The following PPP3CA variants were observed in gnomAD, a reference collection of about 807,000 sequenced individuals.
PPP3CA encodes the protein CAM-PRP catalytic subunit.
PPP3CA carries 14 observed loss-of-function variants against 66.5 expected under a neutral mutation model. The ratio of observed to expected loss-of-function variants is 0.21; its 90% CI spans 0.14 to 0.33. The LOEUF is 0.33. Among genes scored for constraint, PPP3CA ranks in the 10% least tolerant of loss-of-function variants. The pLI, the probability that PPP3CA is intolerant of heterozygous loss-of-function variation, is 1.00. For missense variants in PPP3CA, 317 were observed against 639.5 expected (o/e 0.50, Z 5.44); for synonymous variants, 232 against 226.2 (o/e 1.03, Z -0.23).
intron 1 of PPP3CA, among the ~76,000 whole-genome samples, chr4:101,243,219 A>G (rs1391709874): frequency 6.6e-6 from 1 of 152,194 alleles, no homozygotes; most frequent in Non-Finnish European, 1.5e-5. Flanking sequence ...TGTTTTAGGC[A>G]GCTCCCTGAC....
intron 1 of PPP3CA, among the ~76,000 whole-genome samples, chr4:101,249,083 C>T (rs1726586461): frequency 6.6e-6 from 1 of 151,792 alleles, no homozygotes; most frequent in Admixed American, 6.6e-5. Context: ...TGGCGTGAAC[C>T]CGGGAAGCGG....
At chr4:101,101,588 G>T (rs932841596) in intron 3 of PPP3CA, among the ~76,000 whole-genome samples, 1 of 151,990 alleles carries the variant, frequency 6.6e-6, no homozygotes, top group African/African-American at 2.4e-5. Flanking sequence ...TTATATGCTG[G>T]GGGAGAGAAT....
chr4:101,277,289 T>A (rs1334796141), intron 1 of PPP3CA, among the ~76,000 whole-genome samples: 2 of 152,226 alleles, frequency 1.3e-5, no homozygotes, highest in Non-Finnish European at 2.9e-5. Context: ...CCACAGTTTA[T>A]CTATCCATTC....
In PPP3CA at chr4:101,289,935, A is replaced by T. The variant is rs539375705; in HGVS notation, c.58+56804T>A. Among the ~76,000 whole-genome samples, 11 of 151,404 alleles carry T rather than the reference A, an allele frequency of 7.3e-5. No individual in the cohort carries two copies. The South Asian group carries it at 2.1e-3, about 29-fold the overall frequency. On this transcript the variant is annotated intron_variant, in intron 1 of 13. Transcript: ENST00000394854. ...GTGTCAGATGTTTAAGACTAACATTAAAATGGGCTTACATGCCCTAAGATC... is the reference window on the plus strand; with the variant it reads ...GTGTCAGATGTTTAAGACTAACATTTAAATGGGCTTACATGCCCTAAGATC...
chr4:101,067,350 G>C (rs756815505), intron 8 of PPP3CA, among the ~76,000 whole-genome samples: 3 of 151,904 alleles, frequency 2.0e-5, no homozygotes, highest in African/African-American at 7.3e-5. Flanking sequence ...TTGGTGAATG[G>C]GGAAGGCGGA....
intron 1 of PPP3CA, among the ~76,000 whole-genome samples, chr4:101,240,135 G>A (rs1404638934): frequency 6.6e-6 from 1 of 151,854 alleles, no homozygotes; most frequent in African/African-American, 2.4e-5. Flanking sequence ...CACATACTTA[G>A]GTTCAGAAAT....
chr4:101,159,205 C>T (rs1381048615), intron 2 of PPP3CA, among the ~76,000 whole-genome samples: 2 of 152,146 alleles, frequency 1.3e-5, no homozygotes, highest in African/African-American at 4.8e-5. Context: ...CCAAGAAGAG[C>T]TCGTTAGGTG....
intron 1 of PPP3CA, among the ~76,000 whole-genome samples, chr4:101,243,969 T>C (rs1208274990): frequency 6.6e-6 from 1 of 152,184 alleles, no homozygotes; most frequent in East Asian, 1.9e-4. Flanking sequence ...AGTTTTGATT[T>C]ATAAGATAAG....
intron 1 of PPP3CA, among the ~76,000 whole-genome samples, chr4:101,320,439 C>T (rs1244303808): frequency 6.7e-6 from 1 of 149,746 alleles, no homozygotes; most frequent in Non-Finnish European, 1.5e-5. Context: ...CACACACATA[C>T]ACAAAACCAC....
chr4:101,080,847 TC>T (rs959057380), intron 7 of PPP3CA, among the ~76,000 whole-genome samples: 6 of 152,116 alleles, frequency 3.9e-5, no homozygotes, highest in Non-Finnish European at 7.4e-5. Context: ...ATGTAAAATT[TC>T]CAAACAGGTA....
intron 2 of PPP3CA, among the ~76,000 whole-genome samples, chr4:101,121,675 T>TA (rs1367496900): frequency 2.6e-5 from 4 of 151,932 alleles, no homozygotes; most frequent in Admixed American, 6.6e-5. Flanking sequence ...AATGGAGAAT[T>TA]AAAAAAAATA....
chr4:101,319,292 C>A (rs1002149421), intron 1 of PPP3CA, among the ~76,000 whole-genome samples: 2 of 151,724 alleles, frequency 1.3e-5, no homozygotes, highest in African/African-American at 4.8e-5. Flanking sequence ...TCTTACTATA[C>A]TATTTACAAA....
chr4:101,158,519 G>A (rs2695213), intron 2 of PPP3CA, among the ~76,000 whole-genome samples: 44,117 of 152,032 alleles, frequency 0.29, 7,230 homozygotes, highest in African/African-American at 0.45. Flanking sequence ...CAGTTTCCAC[G>A]TTTAGGACTT....
chr4:101,280,830 A>G (rs1295229459), intron 1 of PPP3CA, among the ~76,000 whole-genome samples: 1 of 151,796 alleles, frequency 6.6e-6, no homozygotes, highest in East Asian at 1.9e-4. Context: ...AAAAAAAAAA[A>G]AAAAAACTGG....
chr4:101,328,718 T>C (rs568141848), intron 1 of PPP3CA, among the ~76,000 whole-genome samples: 1 of 152,338 alleles, frequency 6.6e-6, no homozygotes, highest in Admixed American at 6.5e-5. Flanking sequence ...TTTGTGTCTC[T>C]TGTGACATTT....
intron 1 of PPP3CA, among the ~76,000 whole-genome samples, chr4:101,206,567 A>G (rs1186054989): frequency 6.6e-6 from 1 of 152,216 alleles, no homozygotes; most frequent in Non-Finnish European, 1.5e-5. Context: ...CCAGTTGCAA[A>G]TTTACAGGTA....
chr4:101,171,767 TA>T (rs1164917018), intron 2 of PPP3CA, among the ~76,000 whole-genome samples: 3 of 152,182 alleles, frequency 2.0e-5, no homozygotes, highest in African/African-American at 7.2e-5. Context: ...ATAAGAGACA[TA>T]AATATGTCTC....
At chr4:101,070,803 G>C (rs1171246425) in intron 8 of PPP3CA, among the ~76,000 whole-genome samples, 1 of 152,050 alleles carries the variant, frequency 6.6e-6, no homozygotes, top group African/African-American at 2.4e-5. Flanking sequence ...AGGGAATTTG[G>C]GGCTGATAAT....
At chr4:101,143,527 TGTCCCA>T (rs1292728252) in intron 2 of PPP3CA, among the ~76,000 whole-genome samples, 1 of 152,172 alleles carries the variant, frequency 6.6e-6, no homozygotes, top group Non-Finnish European at 1.5e-5. Flanking sequence ...ATAATGGCCT[TGTCCCA>T]GGCCATTCTA....
Sources: allele counts gnomAD v4.1 joint callset (sites outside exome capture counted in the v4.1 genomes callset), GRCh38; gene constraint gnomAD v4.1.1; transcripts MANE v1.5; gene names NCBI Gene and HGNC (gene_info 2026-07-23, HGNC 2026-07-21).